Variants in CDKAL1 observed in about 807,000 individuals in gnomAD.
The protein encoded by CDKAL1 is CDKAL1 threonylcarbamoyladenosine tRNA methylthiotransferase.
Under a neutral mutation model 68.2 loss-of-function variants are expected in CDKAL1, and 32 were observed. That is an observed-to-expected ratio of 0.47 (90% confidence interval 0.35 to 0.63). The LOEUF (loss-of-function observed/expected upper bound fraction) is 0.63. CDKAL1 is among the 30% of genes least tolerant of loss of function. CDKAL1 has a pLI of 0.00. For synonymous variants in CDKAL1, 234 were observed against 244.3 expected (o/e 0.96, Z 0.39); for missense variants, 606 against 696.7 (o/e 0.87, Z 1.47).
At chr6:20,870,411 A>G (rs1760148717) in intron 9 of CDKAL1, among the ~76,000 whole-genome samples, 1 of 152,152 alleles carries the variant, frequency 6.6e-6, no homozygotes, top group Non-Finnish European at 1.5e-5. Context: ...TTTTTCTCCT[A>G]TTATATTTCT....
intron 5 of CDKAL1, among the ~76,000 whole-genome samples, chr6:20,675,381 G>A (rs1056505386): frequency 6.6e-6 from 1 of 152,124 alleles, no homozygotes; most frequent in African/African-American, 2.4e-5. Context: ...TTAGAAATTG[G>A]TCTGTTTAAG....
intron 1 of CDKAL1, 137 bp from the exon 2 acceptor site, chr6:20,535,214 G>A (rs1763120613): frequency 6.6e-6 from 1 of 152,356 alleles, no homozygotes; most frequent in African/African-American, 2.4e-5. Flanking sequence ...GAAGTTACAA[G>A]TAGTATGGAG....
chr6:20,858,420 G>A (rs995553282), intron 9 of CDKAL1, among the ~76,000 whole-genome samples: 2 of 152,070 alleles, frequency 1.3e-5, no homozygotes, highest in African/African-American at 4.8e-5. Flanking sequence ...GAAGAAGAAA[G>A]GGACCTTGAA....
chr6:21,135,664 G>C (rs1056436227), intron 13 of CDKAL1: 2 of 981,904 alleles, frequency 2.0e-6, no homozygotes, highest in Non-Finnish European at 2.4e-6. Context: ...CTATTGGACT[G>C]TGCTTCTTTA....
chr6:20,816,638 G>C (rs748379168), intron 8 of CDKAL1, among the ~76,000 whole-genome samples: 1 of 151,960 alleles, frequency 6.6e-6, no homozygotes, highest in Non-Finnish European at 1.5e-5. Context: ...TATGTTTTCA[G>C]ACCCAAATTG....
intron 9 of CDKAL1, among the ~76,000 whole-genome samples, chr6:20,856,753 C>T (rs1371358548): frequency 6.6e-6 from 1 of 152,136 alleles, no homozygotes; most frequent in Non-Finnish European, 1.5e-5. Context: ...ACTTTAAAGG[C>T]TGCAAGTTGG....
At chr6:20,642,060 A>G (rs530282538) in intron 4 of CDKAL1, among the ~76,000 whole-genome samples, 12 of 152,186 alleles carry the variant, frequency 7.9e-5, no homozygotes, top group Admixed American at 2.6e-4. Flanking sequence ...ATACGAGAAT[A>G]TAGGATCTCA....
intron 13 of CDKAL1, among the ~76,000 whole-genome samples, chr6:21,185,427 C>G (rs1332201502): frequency 6.6e-6 from 1 of 152,080 alleles, no homozygotes; most frequent in East Asian, 1.9e-4. Context: ...AGTAATCACC[C>G]TGGAAGAATT....
In CDKAL1 at chr6:21,230,836, C is replaced by T. The variant is rs1249592828; in HGVS notation, c.1549-12C>T. On this transcript the variant is annotated splice_polypyrimidine_tract_variant and intron_variant, in intron 15 of 15. Coordinates refer to ENST00000274695, the MANE Select transcript of CDKAL1 (RefSeq NM_017774.3). The stretch of plus-strand genomic sequence containing the variant: ...CTAAAAATAATTTTTTCCTCTGTTT[C>T]TCTCTTTATAGGACTTCAGAAATGG... 1.3e-6 allele frequency: 2 copies of T among 1,560,974 alleles called. No homozygotes were observed. Among genetic ancestry groups the T allele is most frequent in the Admixed American group, 1.9e-5 (1 of 53,760 alleles).
intron 15 of CDKAL1, among the ~76,000 whole-genome samples, chr6:21,228,542 A>G (rs1779836049): frequency 6.6e-6 from 1 of 152,228 alleles, no homozygotes; most frequent in South Asian, 2.1e-4. Flanking sequence ...CACATTGATC[A>G]CCAGAGACAT....
intron 8 of CDKAL1, among the ~76,000 whole-genome samples, chr6:20,783,944 G>A (rs1213501348): frequency 6.6e-6 from 1 of 152,150 alleles, no homozygotes; most frequent in East Asian, 1.9e-4. Flanking sequence ...GCCGGGCGTG[G>A]TGGCTCATGC....
chr6:20,696,944 G>A (rs912099009), intron 5 of CDKAL1, among the ~76,000 whole-genome samples: 1 of 152,030 alleles, frequency 6.6e-6, no homozygotes, highest in African/African-American at 2.4e-5. Flanking sequence ...GGCTCACGAA[G>A]ATTAAAAAAA....
chr6:21,018,253 G>T (rs1347610747), intron 11 of CDKAL1, among the ~76,000 whole-genome samples: 1 of 152,106 alleles, frequency 6.6e-6, no homozygotes, highest in East Asian at 1.9e-4. Flanking sequence ...TAGGGTCCAA[G>T]GTTATTTTTC....
intron 5 of CDKAL1, among the ~76,000 whole-genome samples, chr6:20,699,253 G>A (rs1771238870): frequency 6.6e-6 from 1 of 152,014 alleles, no homozygotes; most frequent in South Asian, 2.1e-4. Flanking sequence ...GACCAGACTT[G>A]TTAGTTATTG....
chr6:20,766,466 C>A (rs4510656), intron 7 of CDKAL1, among the ~76,000 whole-genome samples: 59,273 of 151,944 alleles, frequency 0.39, 11,824 homozygotes, highest in Non-Finnish European at 0.43. Flanking sequence ...ATGACCCAGC[C>A]CTTCTGCTAG....
chr6:20,644,548 C>G (rs1028174671), intron 4 of CDKAL1, among the ~76,000 whole-genome samples: 1 of 152,144 alleles, frequency 6.6e-6, no homozygotes, highest in Non-Finnish European at 1.5e-5. Flanking sequence ...GGTGTGATGG[C>G]GGGTGCCTGT....
chr6:20,984,057 C>T (rs138947146), intron 10 of CDKAL1, among the ~76,000 whole-genome samples: 11 of 152,262 alleles, frequency 7.2e-5, no homozygotes, highest in African/African-American at 2.2e-4. Context: ...TCTAAGATCG[C>T]GTGAAGTAAA....
intron 9 of CDKAL1, among the ~76,000 whole-genome samples, chr6:20,876,101 G>C (rs929847824): frequency 6.6e-6 from 1 of 152,236 alleles, no homozygotes; most frequent in East Asian, 1.9e-4. Flanking sequence ...TGTAGGCAGT[G>C]TTTTACCATC....
chr6:21,211,300 C>T (rs1376669156), intron 15 of CDKAL1, among the ~76,000 whole-genome samples: 1 of 152,168 alleles, frequency 6.6e-6, no homozygotes. Flanking sequence ...AGACTGGGAC[C>T]TCTGGGTTTT....
Sources: gnomAD v4.1 joint callset for allele counts (sites outside exome capture counted in the v4.1 genomes callset) on GRCh38, gnomAD v4.1.1 for gene constraint, MANE v1.5 for transcripts, NCBI Gene and HGNC (gene_info 2026-07-23, HGNC 2026-07-21) for gene names.